GPC5: variants seen among roughly 807,000 people sequenced by gnomAD.
The protein encoded by GPC5 is glypican-5.
A neutral mutation model predicts 53.9 loss-of-function variants in GPC5; 47 were observed. The ratio of observed to expected loss-of-function variants is 0.87; its 90% CI spans 0.69 to 1.11. The LOEUF is 1.11. Ranked by LOEUF, GPC5 falls within the 50% of genes most tolerant of loss-of-function variation. The pLI, the probability that GPC5 is intolerant of heterozygous loss-of-function variation, is 0.00. For synonymous variants in GPC5, 286 were observed against 263.3 expected, an observed-to-expected ratio of 1.09 and a Z score of -0.84; for missense variants, 748 against 713.1, an observed-to-expected ratio of 1.05 and a Z score of -0.56.
intron 5 of GPC5, among the ~76,000 whole-genome samples, chr13:91,886,832 T>C (rs1395464347): frequency 6.6e-6 from 1 of 152,190 alleles, no homozygotes; most frequent in Non-Finnish European, 1.5e-5. Context: ...TCTCCCCCTG[T>C]GGGTTTGCAG....
At chr13:92,628,224 T>TGA (rs1022633608) in intron 7 of GPC5, among the ~76,000 whole-genome samples, 1 of 150,706 alleles carries the variant, frequency 6.6e-6, no homozygotes, top group African/African-American at 2.4e-5. Context: ...AATCTATTCT[T>TGA]GAGAATCAAT....
chr13:91,858,545 T>C (rs1200951489), intron 5 of GPC5, among the ~76,000 whole-genome samples: 2 of 152,050 alleles, frequency 1.3e-5, no homozygotes, highest in Admixed American at 6.6e-5. Flanking sequence ...ATCTTTCTAA[T>C]GTGTTGTTGA....
At chr13:92,723,135 C>T (rs1389781525) in intron 7 of GPC5, among the ~76,000 whole-genome samples, 1 of 151,474 alleles carries the variant, frequency 6.6e-6, no homozygotes, top group African/African-American at 2.4e-5. Flanking sequence ...TAATACCTAC[C>T]TTGAGAGATG....
chr13:92,727,194 T>A (rs1440429590), intron 7 of GPC5, among the ~76,000 whole-genome samples: 2 of 151,544 alleles, frequency 1.3e-5, no homozygotes, highest in Non-Finnish European at 3.0e-5. Flanking sequence ...GGGTGCTATA[T>A]CCATGGTCTT....
chr13:92,504,829 G>A (rs1464232125), intron 7 of GPC5, among the ~76,000 whole-genome samples: 1 of 151,860 alleles, frequency 6.6e-6, no homozygotes, highest in African/African-American at 2.4e-5. Flanking sequence ...CTAAAAATTA[G>A]CTCTAAATTG....
At chr13:92,758,452 G>C (rs1594485899) in intron 7 of GPC5, among the ~76,000 whole-genome samples, 1 of 151,946 alleles carries the variant, frequency 6.6e-6, no homozygotes, top group East Asian at 1.9e-4. Flanking sequence ...ATGTGCACAT[G>C]TACCCTAAAA....
At chr13:92,557,033 T>C (rs1367698503) in intron 7 of GPC5, among the ~76,000 whole-genome samples, 1 of 151,658 alleles carries the variant, frequency 6.6e-6, no homozygotes, top group Non-Finnish European at 1.5e-5. Context: ...AGAGATCAGA[T>C]AACAGGATTG....
chr13:91,799,311 A>G (rs2038097047), intron 5 of GPC5, among the ~76,000 whole-genome samples: 1 of 152,162 alleles, frequency 6.6e-6, no homozygotes, highest in African/African-American at 2.4e-5. Context: ...GATGGGAACA[A>G]TAGATGCTAG....
intron 2 of GPC5, among the ~76,000 whole-genome samples, chr13:91,604,220 G>C (rs1238365534): frequency 7.0e-6 from 1 of 142,496 alleles, no homozygotes; most frequent in Non-Finnish European, 1.5e-5. Context: ...TTTTGTTCTT[G>C]CGATAGTTTA....
chr13:92,113,016 T>C (rs898151971), intron 6 of GPC5, among the ~76,000 whole-genome samples: 1 of 152,134 alleles, frequency 6.6e-6, no homozygotes, highest in Non-Finnish European at 1.5e-5. Context: ...CAAAACTAAA[T>C]TGATGAAACA....
At chr13:92,452,418 A>G (rs1486937828) in intron 7 of GPC5, among the ~76,000 whole-genome samples, 3 of 152,208 alleles carry the variant, frequency 2.0e-5, no homozygotes, top group Non-Finnish European at 2.9e-5. Context: ...GAATAAAAAT[A>G]CATTAATAAA....
intron 2 of GPC5, among the ~76,000 whole-genome samples, chr13:91,520,016 T>C (rs116351014): frequency 0.014 from 2,115 of 152,202 alleles, 43 homozygotes; most frequent in African/African-American, 0.049. Context: ...TAGAAATTGC[T>C]AATGAAGGAT....
chr13:91,596,923 T>C (rs754398994), intron 2 of GPC5, among the ~76,000 whole-genome samples: 27 of 152,162 alleles, frequency 1.8e-4, no homozygotes, highest in African/African-American at 2.7e-4. Flanking sequence ...AGAACCCTCA[T>C]TGAATCTCTG....
chr13:92,150,863 A>C (rs1297598756), intron 7 of GPC5, among the ~76,000 whole-genome samples: 1 of 151,086 alleles, frequency 6.6e-6, no homozygotes, highest in Non-Finnish European at 1.5e-5. Context: ...CACAATGCTA[A>C]GTGTAACTAT....
intron 7 of GPC5, among the ~76,000 whole-genome samples, chr13:92,346,832 C>T (rs2043416868): frequency 6.6e-6 from 1 of 152,014 alleles, no homozygotes; most frequent in African/African-American, 2.4e-5. Flanking sequence ...ACAAAGTGAG[C>T]TTTACAACAA....
chr13:91,534,808 G>T (rs1886510915), intron 2 of GPC5, among the ~76,000 whole-genome samples: 1 of 151,930 alleles, frequency 6.6e-6, no homozygotes, highest in Admixed American at 6.6e-5. Flanking sequence ...GTTTTGTTTT[G>T]TACATAGCCC....
At chr13:91,705,237 T>A (rs2036074016) in intron 3 of GPC5, among the ~76,000 whole-genome samples, 1 of 152,386 alleles carries the variant, frequency 6.6e-6, no homozygotes, top group Admixed American at 6.5e-5. Flanking sequence ...CATTTATGAT[T>A]CTGACTTCGT....
At chr13:92,694,208 G>A (rs1887495142) in intron 7 of GPC5, among the ~76,000 whole-genome samples, 2 of 152,200 alleles carry the variant, frequency 1.3e-5, no homozygotes, top group Non-Finnish European at 2.9e-5. Flanking sequence ...GGGCCCTCAT[G>A]GAGAACCTCT....
At chr13:91,928,200 T>A (rs2039786966) in intron 6 of GPC5, among the ~76,000 whole-genome samples, 1 of 152,162 alleles carries the variant, frequency 6.6e-6, no homozygotes, top group African/African-American at 2.4e-5. Context: ...TCAGCCACTC[T>A]CCTTCCCCAT....
Sources: gnomAD v4.1 joint callset for allele counts (sites outside exome capture counted in the v4.1 genomes callset) on GRCh38, gnomAD v4.1.1 for gene constraint, MANE v1.5 for transcripts, NCBI Gene and HGNC (gene_info 2026-07-23, HGNC 2026-07-21) for gene names.